The following TMPRSS2 variants were observed in gnomAD, a reference collection of about 807,000 sequenced individuals.
TMPRSS2 encodes transmembrane serine protease 2, also known as transmembrane protease serine 2.
Under a neutral mutation model 67.4 loss-of-function variants are expected in TMPRSS2, and 59 were observed. The observed-to-expected ratio is 0.88, with a 90% CI of 0.71 to 1.09. TMPRSS2 has a LOEUF of 1.09. TMPRSS2 is among the 50% of genes least tolerant of loss of function. TMPRSS2 has a pLI of 0.00. For missense variants in TMPRSS2, 668 were observed against 642.7 expected (o/e 1.04, Z -0.43); for synonymous variants, 257 against 257.0 (o/e 1.00, Z 0.00).
intron 1 of TMPRSS2, among the ~76,000 whole-genome samples, chr21:41,507,310 C>G (rs1389483623): frequency 6.6e-6 from 1 of 152,122 alleles, no homozygotes; most frequent in African/African-American, 2.4e-5. Flanking sequence ...GCCTTCCCCC[C>G]AACCCGGCAC....
chr21:41,485,905 G>A (rs1321194189), intron 5 of TMPRSS2, among the ~76,000 whole-genome samples: 2 of 152,204 alleles, frequency 1.3e-5, no homozygotes, highest in Non-Finnish European at 2.9e-5. Flanking sequence ...GAGCTCCACG[G>A]GCCAGTGCTC....
rs755479600 is a variant in TMPRSS2 at position 41,473,539 on chromosome 21, A to T, written c.728-43T>A. On this transcript the variant is annotated intron_variant, in intron 8 of 13. Coordinates refer to ENST00000332149, the MANE Select transcript of TMPRSS2 (RefSeq NM_005656.4). The stretch of plus-strand genomic sequence containing the variant: ...GAGGCCAGTGGGGTGAGACCAGCAG[A>T]AGCCGCCCAGCCACCCAGCGCCCGC... The T allele has an allele frequency of 1.2e-5, 18 of 1,564,974 alleles. No individual in the cohort carries two copies. The African/African-American group carries it at 2.0e-4, about 18-fold the overall frequency.
chr21:41,468,533 T>A lies in TMPRSS2; in HGVS notation c.1177A>T (p.Thr393Ser). ...GWGATEEKGKTSEVLNAAKVL... is the reference protein window; with the variant it reads ...GWGATEEKGKSSEVLNAAKVL... ...TTGGCAGCGTTCAGCACTTCTGAGG[T>A]CTTCCCTAAGGACAGGGAGACTTGT... is the stretch of plus-strand genomic sequence containing the variant. Residue 393 changes from threonine (T) to serine (S), a missense_variant, in exon 12 of 14, where the codon ACC (threonine) becomes TCC (serine). Thr to Ser is a moderately conservative substitution (Grantham distance 58). Transcript: ENST00000332149. 1.2e-6 allele frequency: 2 copies of A among 1,613,982 alleles called. No homozygotes were observed. The highest frequency in any genetic ancestry group is 2.2e-5 in the South Asian group (2 of 91,078).
intron 3 of TMPRSS2, among the ~76,000 whole-genome samples, chr21:41,491,221 A>C (rs1392757116): frequency 6.8e-6 from 1 of 147,228 alleles, no homozygotes; most frequent in Non-Finnish European, 1.5e-5. Context: ...CAGTGGCACA[A>C]TCATGGCTCA....
At position 41,475,837 on chromosome 21, in the gene TMPRSS2, G is replaced by A. The variant is rs180784757; in HGVS notation, c.727+740C>T. On this transcript the variant is annotated intron_variant, in intron 8 of 13. Coordinates refer to ENST00000332149, the MANE Select transcript of TMPRSS2 (RefSeq NM_005656.4). ...TGAGTGCATGGGCAGAGGGCAGGGC[G>A]GGTGCCACGCACCCTTGGGGCTGTG... is the stretch of plus-strand genomic sequence containing the variant. Among the ~76,000 whole-genome samples, 651 of 151,896 alleles carry A rather than the reference G, an allele frequency of 4.3e-3. 5 individuals are homozygous for A. The highest frequency in any genetic ancestry group is 0.015 in the African/African-American group (613 of 41,346).
At position 41,473,628 on chromosome 21, in the gene TMPRSS2, AG is replaced by A. The variant is rs575981127; in HGVS notation, c.728-133del. 6.2e-5 allele frequency: 64 copies of A among 1,040,088 alleles called. 1 individual carries two copies. The South Asian group carries it at 1.0e-3, about 16-fold the overall frequency. 64.4% of individuals were successfully genotyped at this position (1,040,088 alleles called of 1,614,324 possible). On this transcript the variant is annotated intron_variant, in intron 8 of 13. Transcript: ENST00000332149. Reference sequence around the variant, plus strand: ...GGGCACCACTGCTGGGGATGGACTTAGGGGGCTCCTGGGGGTCTCCTCTTGG... The same window carrying A: ...GGGCACCACTGCTGGGGATGGACTTAGGGGCTCCTGGGGGTCTCCTCTTGG...
At chr21:41,503,271 C>T (rs552912416) in intron 1 of TMPRSS2, among the ~76,000 whole-genome samples, 2 of 152,330 alleles carry the variant, frequency 1.3e-5, no homozygotes, top group Non-Finnish European at 1.5e-5. Context: ...CTGAGTGCAA[C>T]CTGGCATGAC....
At position 41,473,433 on chromosome 21, in the gene TMPRSS2, G is replaced by A. The variant is rs775494034; in HGVS notation, c.791C>T (p.Pro264Leu). The A allele has an allele frequency of 2.9e-5, 47 of 1,610,202 alleles. No homozygotes were observed. Among genetic ancestry groups the A allele is most frequent in the Middle Eastern group, 1.8e-4 (1 of 5,644 alleles). Residue 264 changes from proline (P) to leucine (L), a missense_variant, in exon 9 of 14, where the codon CCG becomes CTG. Physicochemically the swap from Pro to Leu is moderately conservative, Grantham distance 98. Transcript: ENST00000332149. ...SRIVGGESALPGAWPWQVSLH... is the reference protein window; with the variant it reads ...SRIVGGESALLGAWPWQVSLH... ...GCTGACCTGCCAGGGCCAGGCCCCC[G>A]GGAGCGCGCTCTCGCCGCCCACAAT...
rs118133613 is a variant in TMPRSS2 at position 41,466,738 on chromosome 21, G to A, written c.1468-585C>T. Among the ~76,000 whole-genome samples the A allele has an allele frequency of 2.6e-3, 389 of 152,364 alleles. 4 individuals carry two copies. Among genetic ancestry groups the A allele is most frequent in the Non-Finnish European group, 3.1e-3 (214 of 68,038 alleles). On this transcript the variant is annotated intron_variant, in intron 13 of 13. Transcript: ENST00000332149. Reference sequence around the variant, plus strand: ...CCCTGGTTCTGCTCCTCCTTCAACAGACTGGGCATCTGGGAGATTTGGGAG... The same window carrying A: ...CCCTGGTTCTGCTCCTCCTTCAACAAACTGGGCATCTGGGAGATTTGGGAG...
At position 41,508,097 on chromosome 21, in the gene TMPRSS2, G is replaced by T; in HGVS notation, c.-73C>A. ...GCCGCTCACCTGCCGCGCTCCAGGC[G>T]GCGCTCCCCGCCCCTCGCCCTCCGC... On this transcript the variant is annotated 5_prime_UTR_variant, in exon 1 of 14. Transcript: ENST00000332149. The T allele has an allele frequency of 8.2e-7, 1 of 1,222,702 alleles. No individual in the cohort carries two copies. Among genetic ancestry groups the T allele is most frequent in the Non-Finnish European group, 1.0e-6 (1 of 957,438 alleles). The allele number at this position is 1,222,702 out of a possible 1,614,324, so 75.7% of individuals were successfully genotyped here.
intron 13 of TMPRSS2, among the ~76,000 whole-genome samples, chr21:41,466,506 T>A (rs1468716100): frequency 6.6e-6 from 1 of 152,198 alleles, no homozygotes; most frequent in Non-Finnish European, 1.5e-5. Flanking sequence ...CCTAGCTCCA[T>A]CCTGGTGCGA....
At chr21:41,502,663 G>T in intron 1 of TMPRSS2, 1 of 841,618 alleles carries the variant, frequency 1.2e-6, no homozygotes, top group Non-Finnish European at 1.4e-6. Context: ...TTAGCCAACA[G>T]TGGATTTCAG....
chr21:41,473,095 G>A (rs1336778380), intron 9 of TMPRSS2, among the ~76,000 whole-genome samples: 1 of 152,198 alleles, frequency 6.6e-6, no homozygotes, highest in East Asian at 1.9e-4. Flanking sequence ...CGTGGAGAAT[G>A]TTCCACCTGC....
chr21:41,488,300 G>T, intron 5 of TMPRSS2, 94 bp downstream of exon 5: 1 of 1,429,294 alleles, frequency 7.0e-7, no homozygotes, highest in Non-Finnish European at 9.7e-7. Context: ...CGTACTGGAC[G>T]CACGCCAGGC....
chr21:41,476,364 G>T (rs1482629806), intron 8 of TMPRSS2, among the ~76,000 whole-genome samples: 1 of 152,140 alleles, frequency 6.6e-6, no homozygotes, highest in African/African-American at 2.4e-5. Context: ...ATCTCAGGGG[G>T]TGTCCCTTGG....
chr21:41,478,944 G>T lies in TMPRSS2; in HGVS notation c.683+228C>A, dbSNP rs962786468. Among the ~76,000 whole-genome samples the T allele has an allele frequency of 6.6e-6, 1 of 152,188 alleles. No individual in the cohort carries two copies. Among genetic ancestry groups the T allele is most frequent in the African/African-American group, 2.4e-5 (1 of 41,430 alleles). On this transcript the variant is annotated intron_variant, in intron 7 of 13. Coordinates refer to ENST00000332149, the MANE Select transcript of TMPRSS2 (RefSeq NM_005656.4). This position sits in a 1 kb window ranked among gnomAD's most constrained non-coding sequence, Gnocchi z 4.0. ...TGAGCCGCTACCAACAAGGGCAGAC[G>T]GTAGAGGCTGAAAATGAAATAGCAG...
rs764956413 is a variant in TMPRSS2 at position 41,480,471 on chromosome 21, C to A, written c.572+5G>T. ...GTCACTCGGCGGGTGCTGCCCCATA[C>A]TCACTTATAGCCCATGTCCCTGCAG... is the stretch of plus-strand genomic sequence containing the variant. On this transcript the variant is annotated splice_donor_5th_base_variant and intron_variant, in intron 6 of 13. Transcript: ENST00000332149. The A allele has an allele frequency of 6.2e-7, 1 of 1,613,306 alleles. No individual in the cohort carries two copies. The highest frequency in any genetic ancestry group is 8.5e-7 in the Non-Finnish European group (1 of 1,179,926).
intron 1 of TMPRSS2, among the ~76,000 whole-genome samples, chr21:41,507,138 G>C (rs1601595145): frequency 6.6e-6 from 1 of 152,236 alleles, no homozygotes. Flanking sequence ...AAGCGCTCAG[G>C]GCTCTCGGCG....
At chr21:41,473,659 G>A (rs1344075502) in intron 8 of TMPRSS2, among the ~76,000 whole-genome samples, 163 bp from the exon 9 acceptor site, 1 of 151,908 alleles carries the variant, frequency 6.6e-6, no homozygotes, top group Non-Finnish European at 1.5e-5. Flanking sequence ...TCTTGGGGAA[G>A]GGAGGATGCC....
Sources: gnomAD v4.1 joint callset for allele counts (sites outside exome capture counted in the v4.1 genomes callset) on GRCh38, gnomAD v4.1.1 for gene constraint, Gnocchi (gnomAD v3.1) non-coding constraint, MANE v1.5 for transcripts, NCBI Gene and HGNC (gene_info 2026-07-23, HGNC 2026-07-21) for gene names.